USP9X: variants seen among roughly 807,000 people sequenced by gnomAD.
USP9X encodes ubiquitin carboxyl-terminal hydrolase 9X.
A neutral mutation model predicts 190.3 loss-of-function variants in USP9X; 7 were observed. That is an observed-to-expected ratio of 0.04 (90% CI 0.02 to 0.07). The LOEUF is 0.07. USP9X is among the 10% of genes least tolerant of loss of function. The pLI is 1.00. For synonymous variants in USP9X, 645 were observed against 659.5 expected (o/e 0.98, Z 0.34); for missense variants, 1,010 against 1,916.9 (o/e 0.53, Z 8.83).
At chrX:41,197,881 C>T (rs1048879306) in intron 29 of USP9X, among the ~76,000 whole-genome samples, 3 of 109,818 alleles carry the variant, frequency 2.7e-5, no homozygotes, top group Non-Finnish European at 5.7e-5. Context: ...GGTGTGGTGG[C>T]GCACACCCAT....
chrX:41,217,523 T>C (rs759180755), intron 36 of USP9X, among the ~76,000 whole-genome samples, 180 bp downstream of exon 36: 5 of 112,084 alleles, frequency 4.5e-5, no homozygotes, highest in African/African-American at 6.5e-5. Context: ...ACATGGCCTT[T>C]TGTTATTCAG....
At chrX:41,215,849 TC>T in intron 34 of USP9X, 49 bp from the exon 35 acceptor site, 1 of 1,129,033 alleles carries the variant, frequency 8.9e-7, no homozygotes, top group Non-Finnish European at 1.2e-6. Context: ...TTTTTTTTTT[TC>T]CTGTGGATTT....
In USP9X at chrX:41,141,155, G is replaced by A. The variant is rs1450635175; in HGVS notation, c.960G>A (p.Arg320=). 4.2e-6 allele frequency: 5 copies of A among 1,201,625 alleles called. No homozygotes were observed. Among genetic ancestry groups the A allele is most frequent in the Non-Finnish European group, 5.6e-6 (5 of 890,320 alleles). The change falls in exon 8 of 45, where the codon AGG becomes AGA. Residue 320 remains arginine (R), a synonymous_variant. Transcript: ENST00000378308. ...AATCTTTGAAGAATTTAGCTTCAAG[G>A]GTTCCAGGACAAGAAGAAACTGTTA... The part of the protein sequence containing the change: ...IIKSLKNLAS[R]VPGQEETVKN...
chrX:41,130,031 TTACA>T (rs2147009123), intron 3 of USP9X, among the ~76,000 whole-genome samples: 1 of 111,587 alleles, frequency 9.0e-6, no homozygotes, highest in African/African-American at 3.3e-5. Context: ...AATTTCCCCC[TTACA>T]TACACATATT....
chrX:41,202,150 A>G (rs748371187), intron 31 of USP9X, among the ~76,000 whole-genome samples: 2 of 111,803 alleles, frequency 1.8e-5, no homozygotes, highest in African/African-American at 6.5e-5. Context: ...TGCCAATTTC[A>G]CTGTGTGTGC....
At chrX:41,152,740 G>A (rs1416418964) in intron 13 of USP9X, among the ~76,000 whole-genome samples, 1 of 110,344 alleles carries the variant, frequency 9.1e-6, no homozygotes, top group Non-Finnish European at 1.9e-5. Flanking sequence ...AGTGATGGAT[G>A]CTTTTTGTGT....
intron 21 of USP9X, among the ~76,000 whole-genome samples, chrX:41,174,619 A>C (rs189617266): frequency 1.8e-5 from 2 of 111,570 alleles, no homozygotes; most frequent in Non-Finnish European, 3.8e-5. Flanking sequence ...TGTAATTTCA[A>C]TTTTTCCCAT....
At chrX:41,217,123 A>G (rs772377619) in intron 35 of USP9X, 97 bp from the exon 36 acceptor site, 1 of 996,512 alleles carries the variant, frequency 1.0e-6, no homozygotes, top group African/African-American at 1.9e-5. Context: ...GGTTCTTAAC[A>G]AATTTAGGAC....
intron 33 of USP9X, among the ~76,000 whole-genome samples, chrX:41,211,550 A>T (rs1334242314): frequency 1.8e-5 from 2 of 113,710 alleles, no homozygotes; most frequent in African/African-American, 6.4e-5. Context: ...AACCTATTGT[A>T]AAAAAAGATT....
intron 21 of USP9X, among the ~76,000 whole-genome samples, 173 bp from the exon 22 acceptor site, chrX:41,183,824 AT>A (rs79492483): frequency 2.8e-4 from 29 of 104,353 alleles, no homozygotes; most frequent in Non-Finnish European, 3.6e-4. Flanking sequence ...GTTTTTGTTT[AT>A]TTTTTTTTTC....
chrX:41,151,411 A>T (rs1432825994), intron 13 of USP9X, among the ~76,000 whole-genome samples: 1 of 112,117 alleles, frequency 8.9e-6, no homozygotes, highest in East Asian at 2.8e-4. Context: ...TTGATGAAAC[A>T]TGACAAGATA....
intron 25 of USP9X, among the ~76,000 whole-genome samples, chrX:41,188,620 C>T (rs2062903654): frequency 9.0e-6 from 1 of 111,614 alleles, no homozygotes; most frequent in African/African-American, 3.3e-5. Context: ...GCCCCTGATG[C>T]TACATATTTA....
intron 25 of USP9X, 109 bp from the exon 26 acceptor site, chrX:41,189,200 G>C: frequency 1.3e-6 from 1 of 760,478 alleles, no homozygotes; most frequent in East Asian, 3.2e-5. Context: ...GAGAGGCTGA[G>C]GCCAGGTGGT....
intron 15 of USP9X, 27 bp downstream of exon 15, chrX:41,162,904 C>T: frequency 8.8e-7 from 1 of 1,130,492 alleles, no homozygotes; most frequent in Non-Finnish European, 1.2e-6. Flanking sequence ...TAGTGTTGCT[C>T]TCTTTAAGAA....
At chrX:41,103,903 A>G (rs1420585772) in intron 1 of USP9X, among the ~76,000 whole-genome samples, 2 of 111,724 alleles carry the variant, frequency 1.8e-5, no homozygotes, top group Non-Finnish European at 3.8e-5. Flanking sequence ...AGGGTCGTTC[A>G]TTTGTTCATT....
chrX:41,129,284 G>A (rs2062286729), intron 3 of USP9X, 139 bp downstream of exon 3: 3 of 631,558 alleles, frequency 4.8e-6, no homozygotes, highest in Non-Finnish European at 6.9e-6. Context: ...ATGAAAGGGA[G>A]TGACAGTGTT....
At chrX:41,231,363 T>C (rs193200169) in intron 44 of USP9X, among the ~76,000 whole-genome samples, 266 of 112,003 alleles carry the variant, frequency 2.4e-3, no homozygotes, top group Middle Eastern at 4.6e-3. Context: ...TTTCTTACAT[T>C]TCACTGTGTA....
intron 1 of USP9X, among the ~76,000 whole-genome samples, chrX:41,086,729 T>A (rs1769909933): frequency 8.9e-6 from 1 of 112,677 alleles, no homozygotes; most frequent in South Asian, 3.6e-4. Flanking sequence ...CGCCCCGCTT[T>A]ATTTGCAGAG....
Position 41,215,903 on chromosome X carries a change from A to C in USP9X, c.5336A>C (p.Asp1779Ala), listed in dbSNP as rs754373237. The C allele has an allele frequency of 5.0e-6, 6 of 1,204,102 alleles. No homozygotes were observed. Among genetic ancestry groups the C allele is most frequent in the Non-Finnish European group, 6.7e-6 (6 of 891,310 alleles). Residue 1779 changes from aspartate to alanine, a missense_variant, in exon 35 of 45, where the codon GAT (aspartate) becomes GCT (alanine). This residue lies in a region of USP9X where 120 missense variants were observed against 342.7 expected (regional missense o/e 0.35). Transcript: ENST00000378308. The stretch of plus-strand genomic sequence containing the variant: ...ACTTTGTCTTGTTTATTTTAGGTTG[A>C]TACCGTAAAGCGCTTGCTGATTAAA... Reference protein sequence around the residue: ...YHCEKCNKKVDTVKRLLIKKL... With the variant: ...YHCEKCNKKVATVKRLLIKKL...
Sources: allele counts gnomAD v4.1 joint callset (sites outside exome capture counted in the v4.1 genomes callset), GRCh38; gene constraint gnomAD v4.1.1; regional missense constraint gnomAD v4.1.1; transcripts MANE v1.5; gene names NCBI Gene and HGNC (gene_info 2026-07-23, HGNC 2026-07-21).